The following BEGAIN variants were observed in gnomAD, a reference collection of about 807,000 sequenced individuals.
BEGAIN encodes the protein brain-enriched guanylate kinase-associated protein.
BEGAIN carries 19 observed loss-of-function variants against 35.8 expected under a neutral mutation model. That is an observed-to-expected ratio of 0.53 (90% CI 0.37 to 0.78). The LOEUF (loss-of-function observed/expected upper bound fraction) is 0.78, where lower values mean the gene tolerates loss of function less well. Among genes scored for constraint, BEGAIN ranks in the 30% least tolerant of loss-of-function variants. The pLI is 0.00. For missense variants in BEGAIN, 795 were observed against 853.6 expected (o/e 0.93, Z 0.85); for synonymous variants, 462 against 388.6 (o/e 1.19, Z -2.22).
At chr14:100,575,927 GC>G (rs2035192310) in intron 1 of BEGAIN, among the ~76,000 whole-genome samples, 1 of 152,146 alleles carries the variant, frequency 6.6e-6, no homozygotes, top group African/African-American at 2.4e-5. Context: ...GGGCCCAGCA[GC>G]CCCCAGAGGA....
chr14:100,582,003 A>T (rs1264913938), intron 1 of BEGAIN, among the ~76,000 whole-genome samples: 2 of 152,210 alleles, frequency 1.3e-5, no homozygotes, highest in African/African-American at 4.8e-5. Context: ...CGGAGGAGGA[A>T]ACTGGGCTCT....
intron 2 of BEGAIN, among the ~76,000 whole-genome samples, chr14:100,552,673 G>C (rs1422811616): frequency 6.6e-6 from 1 of 152,242 alleles, no homozygotes; most frequent in Non-Finnish European, 1.5e-5. Flanking sequence ...GTGGAAGGGG[G>C]AATGAGCCAC....
chr14:100,539,372 C>G (rs2140433878), intron 6 of BEGAIN, 57 bp from the exon 7 acceptor site: 4 of 1,500,798 alleles, frequency 2.7e-6, no homozygotes, highest in East Asian at 4.6e-5. Flanking sequence ...AGCATGGCAG[C>G]CCAGCCCTGG....
intron 1 of BEGAIN, among the ~76,000 whole-genome samples, chr14:100,576,742 C>T (rs1452866804): frequency 6.6e-6 from 1 of 152,206 alleles, no homozygotes; most frequent in African/African-American, 2.4e-5. Context: ...GCCCGACGCT[C>T]TGCACAGCTC....
Position 100,539,228 on chromosome 14 carries a change from C to T in BEGAIN, c.580G>A (p.Ala194Thr), listed in dbSNP as rs1299720575. 1.1e-5 allele frequency: 17 copies of T among 1,588,112 alleles called. No individual in the cohort carries two copies. The highest frequency in any genetic ancestry group is 4.6e-5 in the South Asian group (4 of 86,788). ...LPSPLCHPAYADSVPTCVIAK... is the reference protein window; with the variant it reads ...LPSPLCHPAYTDSVPTCVIAK... The stretch of plus-strand genomic sequence containing the variant: ...ATGACGCAGGTGGGGACGCTGTCGG[C>T]GTAGGCCGGGTGGCAGAGCGGGGAT... The change falls in exon 7 of 7, where the codon GCC becomes ACC. Residue 194 changes from alanine (A) to threonine (T), a missense_variant. Transcript: ENST00000554140.
rs774868143 is a variant in BEGAIN at position 100,538,664 on chromosome 14, C to T, written c.1144G>A (p.Glu382Lys). The T allele has an allele frequency of 1.6e-5, 25 of 1,550,382 alleles. No individual in the cohort carries two copies. Among genetic ancestry groups the T allele is most frequent in the Admixed American group, 3.9e-5 (2 of 51,028 alleles). ...TAAVAAPLEA[E>K]VAPGFGRTMS... The stretch of plus-strand genomic sequence containing the variant: ...GTCCGCCCGAAGCCTGGGGCCACTT[C>T]GGCCTCCAGCGGGGCCGCCACCGCG... The change falls in exon 7 of 7, where the codon GAA (glutamate) becomes AAA (lysine). Residue 382 changes from glutamate (E) to lysine (K), a missense_variant. Transcript: ENST00000554140.
intron 2 of BEGAIN, among the ~76,000 whole-genome samples, chr14:100,562,508 G>A (rs556293598): frequency 6.6e-6 from 1 of 152,180 alleles, no homozygotes; most frequent in South Asian, 2.1e-4. Context: ...CCTTTTAGCT[G>A]CTCGTGCCCA....
At chr14:100,550,365 T>C in intron 2 of BEGAIN, 1 of 398,860 alleles carries the variant, frequency 2.5e-6, no homozygotes, top group East Asian at 3.6e-5. Context: ...GGGACAGATG[T>C]CTGGGGACAG....
Position 100,537,781 on chromosome 14 carries a change from A to G in BEGAIN, c.*188T>C. The stretch of plus-strand genomic sequence containing the variant: ...TTCCACGGGCCGGGGCCGGGTGGAC[A>G]CCGTGGTGTGGGGGACCCTCCCCTC... On this transcript the variant is annotated 3_prime_UTR_variant, in exon 7 of 7. Coordinates refer to ENST00000554140, the MANE Select transcript of BEGAIN (RefSeq NM_001385089.1). The G allele has an allele frequency of 1.2e-6, 1 of 863,038 alleles. No homozygotes were observed. The highest frequency in any genetic ancestry group is 3.2e-5 in the East Asian group (1 of 31,262). The allele number at this position is 863,038 out of a possible 1,614,324, so 53.5% of individuals were successfully genotyped here. A position where few individuals can be genotyped will look rare whatever the true frequency, so the allele number is the denominator to read the frequency against.
chr14:100,561,030 G>A (rs1362727793), intron 2 of BEGAIN, among the ~76,000 whole-genome samples: 6 of 98,208 alleles, frequency 6.1e-5, no homozygotes, highest in African/African-American at 5.3e-4. Context: ...TTCTGCCTGT[G>A]GTAGTTGGGG....
Position 100,586,860 on chromosome 14 carries a change from G to A in BEGAIN, c.42+389C>T, listed in dbSNP as rs1247828510. Reference sequence around the variant, plus strand: ...CTGCCCCCAGACGCAGGCGGGTCCAGGCCTGCCCGCACCCTCGCCACCCGC... The same window carrying A: ...CTGCCCCCAGACGCAGGCGGGTCCAAGCCTGCCCGCACCCTCGCCACCCGC... On this transcript the variant is annotated intron_variant, in intron 1 of 6. Transcript: ENST00000554140. The surrounding 1 kb of genome is among the most constrained non-coding windows in gnomAD (Gnocchi z 4.9). 6.6e-6 allele frequency among the ~76,000 whole-genome samples: 1 copy of A among 152,102 alleles called. No individual in the cohort carries two copies. Among genetic ancestry groups the A allele is most frequent in the Non-Finnish European group, 1.5e-5 (1 of 67,996 alleles).
At chr14:100,581,464 C>T (rs531402908) in intron 1 of BEGAIN, among the ~76,000 whole-genome samples, 5 of 152,264 alleles carry the variant, frequency 3.3e-5, no homozygotes, top group South Asian at 2.1e-4. Flanking sequence ...GAGGGGCTTC[C>T]GGCTCCTGGC....
At position 100,567,288 on chromosome 14, in the gene BEGAIN, G is replaced by A. The variant is rs1193712562; in HGVS notation, c.71+623C>T. 6.6e-6 allele frequency among the ~76,000 whole-genome samples: 1 copy of A among 152,172 alleles called. No individual in the cohort carries two copies. The highest frequency in any genetic ancestry group is 1.5e-5 in the Non-Finnish European group (1 of 68,004). The stretch of plus-strand genomic sequence containing the variant: ...CCTGCCGCGCAGGTGGTCCCGTGAA[G>A]TCTACCAAGGCTTAAAGTTTGGCAC... On this transcript the variant is annotated intron_variant, in intron 2 of 6. Transcript: ENST00000554140. This position sits in a 1 kb window ranked among gnomAD's most constrained non-coding sequence, Gnocchi z 5.1.
chr14:100,538,213 T>TAGCCGGGCAGTGGGTC lies in BEGAIN; in HGVS notation c.1579_1594dup (p.Tyr532Ter). ...CCCGTCCCCCCCCTCGCTGGGTGCA[T>TAGCCGGGCAGTGGGTC]AGCCGGGCAGTGGGTCAGCCGAGCG... On this transcript the variant is annotated stop_gained and frameshift_variant, in exon 7 of 7. Transcript: ENST00000554140. LOFTEE classifies it high-confidence loss of function. The TAGCCGGGCAGTGGGTC allele has an allele frequency of 6.4e-7, 1 of 1,564,498 alleles. No homozygotes were observed. Among genetic ancestry groups the TAGCCGGGCAGTGGGTC allele is most frequent in the Non-Finnish European group, 8.6e-7 (1 of 1,161,070 alleles).
chr14:100,545,275 A>C, intron 3 of BEGAIN: 1 of 1,414,402 alleles, frequency 7.1e-7, no homozygotes, highest in Non-Finnish European at 9.2e-7. Flanking sequence ...TTCCTAGGCC[A>C]GGGCCCAGGA....
At chr14:100,572,990 C>A (rs2035117721) in intron 1 of BEGAIN, among the ~76,000 whole-genome samples, 1 of 151,820 alleles carries the variant, frequency 6.6e-6, no homozygotes, top group Non-Finnish European at 1.5e-5. Context: ...GAAGACAGAC[C>A]CCAAGAGATG....
chr14:100,584,105 T>G (rs905788649), intron 1 of BEGAIN, among the ~76,000 whole-genome samples: 4 of 152,210 alleles, frequency 2.6e-5, no homozygotes, highest in Admixed American at 2.6e-4. Flanking sequence ...CCTGCGTTGC[T>G]TCTCCACCTC....
intron 1 of BEGAIN, among the ~76,000 whole-genome samples, chr14:100,570,040 C>G (rs868598099): frequency 1.3e-5 from 2 of 152,136 alleles, no homozygotes; most frequent in South Asian, 4.1e-4. Context: ...CTGGAGATCC[C>G]GCAGCTGAAG....
In BEGAIN at chr14:100,539,256, C is replaced by T. The variant is rs1211287358; in HGVS notation, c.552G>A (p.Leu184=). ...SLHMEKHGCS[L]PSPLCHPAYA... is the part of the protein sequence containing the mutation. ...AGGCCGGGTGGCAGAGCGGGGATGG[C>T]AGGCTGCAGCCGTGCTTCTCCATGT... is the stretch of plus-strand genomic sequence containing the variant. Residue 184 remains leucine (L), a synonymous_variant, in exon 7 of 7, where the codon CTG becomes CTA. Transcript: ENST00000554140. 2 of 1,587,092 alleles carry T rather than the reference C, an allele frequency of 1.3e-6. No individual in the cohort carries two copies. The highest frequency in any genetic ancestry group is 2.3e-5 in the South Asian group (2 of 86,516).
Sources: allele counts gnomAD v4.1 joint callset (sites outside exome capture counted in the v4.1 genomes callset), GRCh38; gene constraint gnomAD v4.1.1; non-coding constraint Gnocchi (gnomAD v3.1); transcripts MANE v1.5; gene names NCBI Gene and HGNC (gene_info 2026-07-23, HGNC 2026-07-21).